PCSK2: variants seen among roughly 807,000 people sequenced by gnomAD.
PCSK2 encodes the protein neuroendocrine convertase 2.
PCSK2 carries 14 observed loss-of-function variants against 69.7 expected under a neutral mutation model. The ratio of observed to expected loss-of-function variants is 0.20; its 90% CI spans 0.13 to 0.31. The LOEUF is 0.31. Among genes scored for constraint, PCSK2 ranks in the 10% least tolerant of loss-of-function variants. The pLI, the probability that PCSK2 is intolerant of heterozygous loss-of-function variation, is 1.00. For synonymous variants in PCSK2, 307 were observed against 320.7 expected, an observed-to-expected ratio of 0.96 and a Z score of 0.46; for missense variants, 544 against 842.5, an observed-to-expected ratio of 0.65 and a Z score of 4.39.
chr20:17,283,290 T>A (rs1483412430), intron 2 of PCSK2, among the ~76,000 whole-genome samples: 2 of 152,144 alleles, frequency 1.3e-5, no homozygotes, highest in African/African-American at 2.4e-5. Context: ...CTAAATTCTG[T>A]AGAAAGACCT....
chr20:17,370,752 T>C (rs6044764), intron 5 of PCSK2, among the ~76,000 whole-genome samples: 32,592 of 152,072 alleles, frequency 0.21, 3,644 homozygotes, highest in Middle Eastern at 0.31. Context: ...TTGCTGCCTC[T>C]CCCTGACTAT....
chr20:17,465,683 T>G (rs2269028), intron 11 of PCSK2, 130 bp downstream of exon 11: 13,712 of 668,216 alleles, frequency 0.021, 944 homozygotes, highest in East Asian at 0.17. Context: ...TTGTTTGTTT[T>G]TTTGAGACAG....
At chr20:17,409,201 G>C in intron 5 of PCSK2, 62 bp from the exon 6 acceptor site, 1 of 1,270,578 alleles carries the variant, frequency 7.9e-7, no homozygotes, top group East Asian at 2.3e-5. Flanking sequence ...AAGTCTCCCA[G>C]CGCTTTCCCT....
chr20:17,305,108 T>C (rs1216900550), intron 2 of PCSK2, among the ~76,000 whole-genome samples: 2 of 152,164 alleles, frequency 1.3e-5, no homozygotes, highest in Admixed American at 6.6e-5. Flanking sequence ...TTCTGCTCCA[T>C]TGAAAAATAA....
intron 2 of PCSK2, among the ~76,000 whole-genome samples, chr20:17,352,104 C>T (rs112351179): frequency 0.013 from 1,910 of 152,162 alleles, 14 homozygotes; most frequent in East Asian, 0.035. Flanking sequence ...CGTATAATAG[C>T]TATAAGAAGA....
At chr20:17,454,209 A>T (rs555164000) in intron 9 of PCSK2, among the ~76,000 whole-genome samples, 7 of 152,284 alleles carry the variant, frequency 4.6e-5, no homozygotes, top group African/African-American at 1.4e-4. Context: ...TTTCTTGTTT[A>T]TTGTTTCTGG....
intron 2 of PCSK2, among the ~76,000 whole-genome samples, chr20:17,303,434 T>C (rs1249061565): frequency 5.9e-5 from 5 of 85,200 alleles, no homozygotes; most frequent in African/African-American, 1.9e-4. Context: ...ATTTTTAATA[T>C]ATAATATAAT....
chr20:17,419,119 A>T (rs770613090), intron 6 of PCSK2, among the ~76,000 whole-genome samples: 1 of 152,244 alleles, frequency 6.6e-6, no homozygotes, highest in African/African-American at 2.4e-5. Flanking sequence ...ACTTTAAACC[A>T]TCATCTCATA....
intron 1 of PCSK2, among the ~76,000 whole-genome samples, chr20:17,237,517 C>A (rs901431499): frequency 6.6e-6 from 1 of 152,034 alleles, no homozygotes; most frequent in African/African-American, 2.4e-5. Flanking sequence ...GAATCAAGAG[C>A]ACACAGGCCT....
chr20:17,467,705 T>C (rs1479744399), intron 11 of PCSK2, among the ~76,000 whole-genome samples: 1 of 152,140 alleles, frequency 6.6e-6, no homozygotes, highest in African/African-American at 2.4e-5. Context: ...AAATAAGAGA[T>C]TTTTTTCTCT....
At chr20:17,408,884 C>A (rs2031811492) in intron 5 of PCSK2, among the ~76,000 whole-genome samples, 1 of 152,170 alleles carries the variant, frequency 6.6e-6, no homozygotes, top group Admixed American at 6.5e-5. Context: ...GATGTGAGAA[C>A]TAGAACATCT....
At chr20:17,269,569 G>A (rs1291287260) in intron 2 of PCSK2, among the ~76,000 whole-genome samples, 1 of 152,032 alleles carries the variant, frequency 6.6e-6, no homozygotes, top group Non-Finnish European at 1.5e-5. Context: ...GAAATACATG[G>A]TTCACACATG....
chr20:17,457,906 GCCTAGAT>G (rs2032950188), intron 10 of PCSK2, among the ~76,000 whole-genome samples: 1 of 152,178 alleles, frequency 6.6e-6, no homozygotes, highest in Non-Finnish European at 1.5e-5. Context: ...CTATGCCTAT[GCCTAGAT>G]CCATAGGCAC....
At chr20:17,395,543 G>T (rs1280277814) in intron 5 of PCSK2, among the ~76,000 whole-genome samples, 1 of 152,136 alleles carries the variant, frequency 6.6e-6, no homozygotes, top group Non-Finnish European at 1.5e-5. Flanking sequence ...GGAAAACCTT[G>T]AGCAAATTAC....
chr20:17,369,996 G>A (rs2030709999), intron 5 of PCSK2, among the ~76,000 whole-genome samples: 2 of 152,158 alleles, frequency 1.3e-5, no homozygotes, highest in Admixed American at 1.3e-4. Context: ...ATCACCAAAA[G>A]CCCTGCTGGG....
intron 2 of PCSK2, among the ~76,000 whole-genome samples, chr20:17,301,410 G>A (rs1264813445): frequency 2.6e-5 from 4 of 152,188 alleles, no homozygotes; most frequent in African/African-American, 9.7e-5. Context: ...TAAAAAAGCA[G>A]TGGTTTGAAA....
chr20:17,381,739 G>A (rs764184127), intron 5 of PCSK2, among the ~76,000 whole-genome samples: 6 of 152,110 alleles, frequency 3.9e-5, no homozygotes, highest in Admixed American at 3.9e-4. Context: ...AGCTATTCTG[G>A]TATGGGTATT....
chr20:17,381,485 T>G (rs1697906240), intron 5 of PCSK2, among the ~76,000 whole-genome samples: 1 of 152,164 alleles, frequency 6.6e-6, no homozygotes, highest in South Asian at 2.1e-4. Context: ...GTCTAAGCTA[T>G]TCAAAGAGCA....
At chr20:17,466,185 T>C (rs2269031) in intron 11 of PCSK2, among the ~76,000 whole-genome samples, 125,704 of 152,098 alleles carry the variant, frequency 0.83, 52,283 homozygotes, top group African/African-American at 0.89. Flanking sequence ...AAAGGCCCCC[T>C]GCCGTGACCA....
Sources: gnomAD v4.1 joint callset for allele counts (sites outside exome capture counted in the v4.1 genomes callset) on GRCh38, gnomAD v4.1.1 for gene constraint, MANE v1.5 for transcripts, NCBI Gene and HGNC (gene_info 2026-07-23, HGNC 2026-07-21) for gene names.